Variants in OCA2 observed in about 807,000 individuals in gnomAD.
The protein encoded by OCA2 is P protein.
A neutral mutation model predicts 100.2 loss-of-function variants in OCA2; 77 were observed. The ratio of observed to expected loss-of-function variants is 0.77; its 90% CI spans 0.64 to 0.93. OCA2 has a LOEUF of 0.93. OCA2 is among the 40% of genes least tolerant of loss of function. OCA2 has a pLI of 0.00. For missense variants in OCA2, 1,062 were observed against 1,089.1 expected, an observed-to-expected ratio of 0.98 and a Z score of 0.35; for synonymous variants, 432 against 439.2, an observed-to-expected ratio of 0.98 and a Z score of 0.21.
chr15:27,995,124 C>T (rs1413373950), intron 9 of OCA2, among the ~76,000 whole-genome samples: 3 of 152,146 alleles, frequency 2.0e-5, no homozygotes, highest in African/African-American at 7.2e-5. Flanking sequence ...TAAATATGCA[C>T]AGCAGTATTA....
At chr15:27,949,421 G>A (rs956302818) in intron 18 of OCA2, among the ~76,000 whole-genome samples, 5 of 152,206 alleles carry the variant, frequency 3.3e-5, no homozygotes, top group Non-Finnish European at 7.3e-5. Flanking sequence ...CCCGCACTTT[G>A]GGAGGCTGAG....
intron 23 of OCA2, among the ~76,000 whole-genome samples, chr15:27,788,011 T>C (rs2032900377): frequency 6.6e-6 from 1 of 152,062 alleles, no homozygotes. Context: ...AGCTGTCTAA[T>C]TTCCAAATAT....
chr15:27,849,742 C>T (rs182884667), intron 22 of OCA2, among the ~76,000 whole-genome samples: 7 of 152,252 alleles, frequency 4.6e-5, no homozygotes, highest in Admixed American at 2.0e-4. Context: ...ACGGTGGTGA[C>T]GGCTGCGCAA....
At chr15:27,786,215 T>G (rs1478175109) in intron 23 of OCA2, among the ~76,000 whole-genome samples, 1 of 152,194 alleles carries the variant, frequency 6.6e-6, no homozygotes, top group African/African-American at 2.4e-5. Context: ...TAGGAAAGTG[T>G]AAGCCCTACA....
intron 18 of OCA2, among the ~76,000 whole-genome samples, chr15:27,943,765 C>A (rs1002163229): frequency 6.6e-6 from 1 of 151,360 alleles, no homozygotes; most frequent in African/African-American, 2.4e-5. Flanking sequence ...GATAATAACT[C>A]TTTCAACCAA....
Position 27,936,160 on chromosome 15 carries a change from T to C in OCA2, c.1952-9906A>G, listed in dbSNP as rs565388031. On this transcript the variant is annotated intron_variant, in intron 18 of 23. Coordinates refer to ENST00000354638, the MANE Select transcript of OCA2 (RefSeq NM_000275.3). ...CTGTTGCACAGCTACACTGTGGTTG[T>C]TCCTTGGGTAATTCTAGCTCTCTCA... Among the ~76,000 whole-genome samples, 3 of 152,336 alleles carry C rather than the reference T, an allele frequency of 2.0e-5. No homozygotes were observed. The East Asian group carries it at 5.8e-4, about 29-fold the overall frequency.
In OCA2 at chr15:27,900,656, G is replaced by C. The variant is rs147264265; in HGVS notation, c.2079+25471C>G. 6.6e-4 allele frequency among the ~76,000 whole-genome samples: 101 copies of C among 152,322 alleles called. 1 individual carries two copies. Among genetic ancestry groups the C allele is most frequent in the African/African-American group, 2.3e-3 (94 of 41,564 alleles). ...GGCCATGTGAAGCTCCACATGTCTT[G>C]TGACCATCAAGCAGACAAGGAGAGT... On this transcript the variant is annotated intron_variant, in intron 19 of 23. Transcript: ENST00000354638.
chr15:27,792,180 T>A (rs975758833), intron 23 of OCA2, among the ~76,000 whole-genome samples: 1 of 152,236 alleles, frequency 6.6e-6, no homozygotes, highest in Non-Finnish European at 1.5e-5. Flanking sequence ...GGGCTTAAAG[T>A]AGAGGAGGGA....
rs1411486043 is a variant in OCA2 at position 28,029,578 on chromosome 15, TGAA to T, written c.327-1522_327-1520del. Among the ~76,000 whole-genome samples the T allele has an allele frequency of 2.6e-5, 4 of 152,200 alleles. No homozygotes were observed. The East Asian group carries it at 5.8e-4, about 22-fold the overall frequency. On this transcript the variant is annotated intron_variant, in intron 3 of 23. Coordinates refer to ENST00000354638, the MANE Select transcript of OCA2 (RefSeq NM_000275.3). Reference sequence around the variant, plus strand: ...TCACTTGAAGTGTGGCTAGTGCAACTGAAGAAGTGAATTTTTAATTTTAATTAA... The same window carrying T: ...TCACTTGAAGTGTGGCTAGTGCAACTGAAGTGAATTTTTAATTTTAATTAA...
intron 18 of OCA2, among the ~76,000 whole-genome samples, chr15:27,928,355 A>G (rs571613434): frequency 3.8e-4 from 58 of 152,306 alleles, no homozygotes; most frequent in African/African-American, 1.3e-3. Context: ...GAATAGAGCA[A>G]GTGAGAAAAC....
At chr15:27,879,124 G>A (rs907405256) in intron 19 of OCA2, among the ~76,000 whole-genome samples, 3 of 152,100 alleles carry the variant, frequency 2.0e-5, no homozygotes, top group Non-Finnish European at 2.9e-5. Flanking sequence ...TTCTGTTCCT[G>A]TGCTAACTTG....
chr15:27,998,605 T>C (rs1481920644), intron 9 of OCA2, among the ~76,000 whole-genome samples: 1,722 of 144,466 alleles, frequency 0.012, 26 homozygotes, highest in African/African-American at 0.041. Context: ...TTGGTGGGAC[T>C]GTAAACTAGT....
At chr15:28,018,832 G>A (rs1330363747) in intron 6 of OCA2, among the ~76,000 whole-genome samples, 1 of 152,168 alleles carries the variant, frequency 6.6e-6, no homozygotes, top group African/African-American at 2.4e-5. Flanking sequence ...CTCCAAAGAT[G>A]GAGGGAGGCC....
chr15:27,966,834 C>G lies in OCA2; in HGVS notation c.1504-12G>C. On this transcript the variant is annotated splice_polypyrimidine_tract_variant and intron_variant, in intron 14 of 23. Transcript: ENST00000354638. ...GCAAAGTCCAGGCCCTGGAAATAAA[C>G]AAGGGGAAATGAAATGGCAGCCCAG... is the stretch of plus-strand genomic sequence containing the variant. 1 of 1,605,894 alleles carries G rather than the reference C, an allele frequency of 6.2e-7. No homozygotes were observed. Among genetic ancestry groups the G allele is most frequent in the Non-Finnish European group, 8.5e-7 (1 of 1,176,212 alleles).
At chr15:28,041,646 T>G (rs2043204564) in intron 2 of OCA2, among the ~76,000 whole-genome samples, 1 of 152,186 alleles carries the variant, frequency 6.6e-6, no homozygotes, top group Non-Finnish European at 1.5e-5. Context: ...ATTTTTAAAA[T>G]CATTAGGATT....
At chr15:28,004,605 C>A (rs1429987599) in intron 9 of OCA2, among the ~76,000 whole-genome samples, 1 of 152,038 alleles carries the variant, frequency 6.6e-6, no homozygotes, top group Non-Finnish European at 1.5e-5. Flanking sequence ...TACACAGACA[C>A]AACCATGCAG....
chr15:27,903,574 C>T (rs2038050499), intron 19 of OCA2, among the ~76,000 whole-genome samples: 1 of 152,214 alleles, frequency 6.6e-6, no homozygotes, highest in Admixed American at 6.5e-5. Flanking sequence ...TGGAAAGTCC[C>T]GGGCTTCCCC....
intron 9 of OCA2, among the ~76,000 whole-genome samples, chr15:28,002,640 T>C (rs1209341172): frequency 6.6e-6 from 1 of 152,114 alleles, no homozygotes; most frequent in Non-Finnish European, 1.5e-5. Context: ...CCAATCATCT[T>C]CTGCTGGCCT....
At chr15:27,772,840 C>CAAA (rs55814100) in intron 23 of OCA2, among the ~76,000 whole-genome samples, 23,194 of 122,344 alleles carry the variant, frequency 0.19, 2,673 homozygotes, top group East Asian at 0.6. Context: ...GACTCTATCT[C>CAAA]AAAAAAAAAA....
Sources: allele counts gnomAD v4.1 joint callset (sites outside exome capture counted in the v4.1 genomes callset), GRCh38; gene constraint gnomAD v4.1.1; transcripts MANE v1.5; gene names NCBI Gene and HGNC (gene_info 2026-07-23, HGNC 2026-07-21).